ZNF711: variants seen among roughly 807,000 people sequenced by gnomAD.
The protein encoded by ZNF711 is ZFX family zinc finger ZNF711.
A neutral mutation model predicts 43.5 loss-of-function variants in ZNF711; 3 were observed. The observed-to-expected ratio is 0.07, with a 90% confidence interval of 0.03 to 0.18. The LOEUF (loss-of-function observed/expected upper bound fraction) is 0.18. Among genes scored for constraint, ZNF711 ranks in the 10% least tolerant of loss-of-function variants. The probability of loss-of-function intolerance (pLI) is 1.00; values close to 1 mark genes in which losing one functional copy is unlikely to be tolerated. For missense variants in ZNF711, 412 were observed against 604.0 expected, an observed-to-expected ratio of 0.68 and a Z score of 3.33; for synonymous variants, 209 against 207.7, an observed-to-expected ratio of 1.01 and a Z score of -0.06.
At chrX:85,270,337 T>C (rs1168384650) in intron 10 of ZNF711, among the ~76,000 whole-genome samples, 191 bp downstream of exon 10, 1 of 109,303 alleles carries the variant, frequency 9.1e-6, no homozygotes, top group Non-Finnish European at 1.9e-5. Context: ...GCTTGTTTGC[T>C]CTTTATTCCA....
At chrX:85,245,643 G>T (rs901363183) in intron 1 of ZNF711, among the ~76,000 whole-genome samples, 1 of 112,081 alleles carries the variant, frequency 8.9e-6, no homozygotes, top group African/African-American at 3.2e-5. Context: ...TGTTGTTTGT[G>T]ATTTTTAAGA....
chrX:85,267,322 G>C lies in ZNF711; in HGVS notation c.961G>C (p.Gly321Arg). 8.7e-7 allele frequency: 1 copy of C among 1,144,151 alleles called. No homozygotes were observed. The highest frequency in any genetic ancestry group is 3.3e-5 in the East Asian group (1 of 30,023). 94.3% of individuals were successfully genotyped at this position (1,144,151 alleles called of 1,213,427 possible). Residue 321 changes from glycine to arginine, a missense_variant, in exon 8 of 11, where the codon GGG becomes CGG. Physicochemically the swap from Gly to Arg is moderately radical, Grantham distance 125 (BLOSUM62 -2). This residue lies in a region of ZNF711 where 375 missense variants were observed against 514.2 expected (regional missense o/e 0.73). Transcript: ENST00000674551. ...TGAAGTTTACATGGAAGTCATTGTA[G>C]GGGAAGAGGAAGGAACTTCTCTCCC... ...ADEVYMEVIV[G>R]EEEGTSLPEI... is the part of the protein sequence containing the mutation.
Position 85,271,928 on chromosome X carries a change from A to C in ZNF711, c.*100A>C, listed in dbSNP as rs1931602300. 1 of 634,636 alleles carries C rather than the reference A, an allele frequency of 1.6e-6. No homozygotes were observed. The highest frequency in any genetic ancestry group is 2.9e-5 in the Admixed American group (1 of 34,918). 52.3% of individuals were successfully genotyped at this position (634,636 alleles called of 1,213,427 possible). A position where few individuals can be genotyped will look rare whatever the true frequency, so the allele number is the denominator to read the frequency against. The stretch of plus-strand genomic sequence containing the variant: ...TCACCGGGTTTCAAAGCTTGATACT[A>C]AACCATGACTTTACATTCTTTGTAT... On this transcript the variant is annotated 3_prime_UTR_variant, in exon 11 of 11. Transcript: ENST00000674551.
At chrX:85,254,932 G>C (rs1454993456) in intron 4 of ZNF711, among the ~76,000 whole-genome samples, 1 of 111,705 alleles carries the variant, frequency 9.0e-6, no homozygotes, top group African/African-American at 3.3e-5. Context: ...ACCAGCCTAT[G>C]GTGCTATCAC....
In ZNF711 at chrX:85,272,078, A is replaced by G. The variant is rs1212122276; in HGVS notation, c.*250A>G. On this transcript the variant is annotated 3_prime_UTR_variant, in exon 11 of 11. Transcript: ENST00000674551. ...TCTTAAGTATCTGTGTAATAGTATT[A>G]TATGCATACTTAAACTACAGAGGGG... 2.9e-6 allele frequency: 1 copy of G among 347,841 alleles called. No homozygotes were observed. Among genetic ancestry groups the G allele is most frequent in the Non-Finnish European group, 5.0e-6 (1 of 201,778 alleles). 28.7% of individuals were successfully genotyped at this position (347,841 alleles called of 1,213,427 possible).
intron 9 of ZNF711, among the ~76,000 whole-genome samples, chrX:85,269,121 G>T (rs892864737): frequency 3.6e-5 from 4 of 111,284 alleles, no homozygotes; most frequent in Non-Finnish European, 7.6e-5. Context: ...ATGTTAACCC[G>T]TAAAATCAAT....
At chrX:85,266,635 G>A (rs1676465247) in intron 7 of ZNF711, among the ~76,000 whole-genome samples, 1 of 109,511 alleles carries the variant, frequency 9.1e-6, no homozygotes, top group Admixed American at 9.8e-5. Context: ...TTTATATAAA[G>A]TATATTGTGG....
At chrX:85,260,599 C>G (rs1415026687) in intron 5 of ZNF711, among the ~76,000 whole-genome samples, 2 of 50,511 alleles carry the variant, frequency 4.0e-5, no homozygotes, top group Admixed American at 4.9e-4. Flanking sequence ...TACCCTTTAG[C>G]TGTTAGCCCC....
chrX:85,272,585 A>G lies in ZNF711; in HGVS notation c.*757A>G, dbSNP rs1931643732. 1 of 112,112 alleles carries G rather than the reference A, an allele frequency of 8.9e-6. No homozygotes were observed. Among genetic ancestry groups the G allele is most frequent in the Admixed American group, 9.5e-5 (1 of 10,511 alleles). 9.2% of individuals were successfully genotyped at this position (112,112 alleles called of 1,213,427 possible). On this transcript the variant is annotated 3_prime_UTR_variant, in exon 11 of 11. Transcript: ENST00000674551. The stretch of plus-strand genomic sequence containing the variant: ...AATGTGGCTTTCTAAAATGGATGCA[A>G]CATTAGCGTTGCAAACAAAATCAGC...
chrX:85,255,107 T>C, intron 4 of ZNF711, 152 bp from the exon 5 acceptor site: 6 of 556,462 alleles, frequency 1.1e-5, no homozygotes, highest in Non-Finnish European at 1.7e-5. Flanking sequence ...TGATTTTAAT[T>C]GCAGTTAAAT....
At chrX:85,244,368 C>A (rs781455666) in intron 1 of ZNF711, among the ~76,000 whole-genome samples, 177 bp downstream of exon 1, 29 of 111,919 alleles carry the variant, frequency 2.6e-4, no homozygotes, top group Admixed American at 2.0e-3. Flanking sequence ...CCTCTTCAGC[C>A]GCAGCCGGGG....
intron 4 of ZNF711, among the ~76,000 whole-genome samples, chrX:85,249,983 G>C (rs1929407140): frequency 8.9e-6 from 1 of 111,924 alleles, no homozygotes; most frequent in Non-Finnish European, 1.9e-5. Context: ...CTTTCACTTA[G>C]CATGTTTTTA....
In ZNF711 at chrX:85,271,504, T is replaced by G. The variant is rs200591180; in HGVS notation, c.2100T>G (p.Phe700Leu). 8.3e-7 allele frequency: 1 copy of G among 1,209,728 alleles called. No individual in the cohort carries two copies. The highest frequency in any genetic ancestry group is 2.2e-5 in the Admixed American group (1 of 45,705). ...TTCATCAGTGCAGGCACTGTGACTT[T>G]AAAACATCCGATCCATTTATTCTTA... ...RKIHQCRHCDFKTSDPFILSG... is the reference protein window; with the variant it reads ...RKIHQCRHCDLKTSDPFILSG... The change falls in exon 11 of 11, where the codon TTT (phenylalanine) becomes TTG (leucine). Residue 700 changes from phenylalanine (F) to leucine (L), a missense_variant. Coordinates refer to ENST00000674551, the MANE Select transcript of ZNF711 (RefSeq NM_001330574.2).
At chrX:85,266,125 G>A (rs1931076853) in intron 7 of ZNF711, among the ~76,000 whole-genome samples, 1 of 110,837 alleles carries the variant, frequency 9.0e-6, no homozygotes, top group African/African-American at 3.3e-5. Flanking sequence ...CCTTGCCCTA[G>A]AAGGCTAAGA....
intron 4 of ZNF711, among the ~76,000 whole-genome samples, chrX:85,250,465 A>G (rs1004705483): frequency 2.7e-5 from 3 of 111,968 alleles, no homozygotes; most frequent in Non-Finnish European, 3.8e-5. Flanking sequence ...CCTCTCTAAA[A>G]TGAATTTAAT....
intron 8 of ZNF711, 99 bp from the exon 9 acceptor site, chrX:85,268,195 A>G (rs1931262630): frequency 9.7e-7 from 1 of 1,026,929 alleles, no homozygotes; most frequent in Non-Finnish European, 1.3e-6. Flanking sequence ...AATGGTGGGC[A>G]AAGTAAGATT....
In ZNF711 at chrX:85,270,082, A is replaced by G. The variant is rs751057017; in HGVS notation, c.1182A>G (p.Thr394=). ...TTCAAATTTGTGACGGCATTAATAC[A>G]AATAAAGTACTTAAACAAAAAGCCA... The part of the protein sequence containing the change: ...QYLQICDGIN[T]NKVLKQKAKK... Residue 394 remains threonine (T), a synonymous_variant, in exon 10 of 11, where the codon ACA becomes ACG. Coordinates refer to ENST00000674551, the MANE Select transcript of ZNF711 (RefSeq NM_001330574.2). The G allele has an allele frequency of 8.3e-7, 1 of 1,208,773 alleles. No homozygotes were observed. Among genetic ancestry groups the G allele is most frequent in the South Asian group, 1.8e-5 (1 of 56,788 alleles).
chrX:85,249,012 T>C lies in ZNF711; in HGVS notation c.79+1361T>C, dbSNP rs182969023. 4.0e-3 allele frequency among the ~76,000 whole-genome samples: 449 copies of C among 112,191 alleles called. 2 individuals carry two copies. The highest frequency in any genetic ancestry group is 0.014 in the African/African-American group (437 of 30,880). ...TAACATTTAAGGTCCTCTCCAGTTA[T>C]AGAATTCTTTGACGTTTCTTTCTGA... is the stretch of plus-strand genomic sequence containing the variant. On this transcript the variant is annotated intron_variant, in intron 4 of 10. Coordinates refer to ENST00000674551, the MANE Select transcript of ZNF711 (RefSeq NM_001330574.2).
At chrX:85,247,878 A>T (rs922512228) in intron 4 of ZNF711, among the ~76,000 whole-genome samples, 24 of 111,183 alleles carry the variant, frequency 2.2e-4, no homozygotes, top group Non-Finnish European at 4.0e-4. Flanking sequence ...TATGGTGGTA[A>T]TATGTTACTG....
Sources: allele counts gnomAD v4.1 joint callset (sites outside exome capture counted in the v4.1 genomes callset), GRCh38; gene constraint gnomAD v4.1.1; regional missense constraint gnomAD v4.1.1; transcripts MANE v1.5; gene names NCBI Gene and HGNC (gene_info 2026-07-23, HGNC 2026-07-21).